Variants in CDH13 observed in about 807,000 individuals in gnomAD.
The protein encoded by CDH13 is cadherin-13.
A neutral mutation model predicts 63.8 loss-of-function variants in CDH13; 24 were observed. The ratio of observed to expected loss-of-function variants is 0.38; its 90% CI spans 0.27 to 0.53. CDH13 has a LOEUF of 0.53. Ranked by LOEUF, CDH13 falls within the 20% of genes least tolerant of loss-of-function variation. The probability of loss-of-function intolerance (pLI) is 0.85; values close to 1 mark genes in which losing one functional copy is unlikely to be tolerated. For missense variants in CDH13, 1,049 were observed against 903.1 expected (o/e 1.16, Z -2.07); for synonymous variants, 503 against 355.3 (o/e 1.42, Z -4.67).
At chr16:83,101,078 A>C (rs2034453510) in intron 3 of CDH13, among the ~76,000 whole-genome samples, 1 of 152,162 alleles carries the variant, frequency 6.6e-6, no homozygotes, top group Non-Finnish European at 1.5e-5. Context: ...ACTATATGCC[A>C]GACACTGGTC....
intron 4 of CDH13, among the ~76,000 whole-genome samples, chr16:83,133,081 C>T (rs117532900): frequency 6.6e-6 from 1 of 152,342 alleles, no homozygotes; most frequent in East Asian, 1.9e-4. Flanking sequence ...TACCCACTAA[C>T]CACATGTGGT....
At chr16:83,598,969 C>T (rs1318129308) in intron 7 of CDH13, among the ~76,000 whole-genome samples, 2 of 152,184 alleles carry the variant, frequency 1.3e-5, no homozygotes, top group Non-Finnish European at 2.9e-5. Context: ...GTTATGTCCT[C>T]ATCGCATGAT....
In CDH13 at chr16:83,159,669, T is replaced by A. The variant is rs2037362117; in HGVS notation, c.483+34168T>A. Among the ~76,000 whole-genome samples, 8 of 152,338 alleles carry A rather than the reference T, an allele frequency of 5.3e-5. No homozygotes were observed. In the South Asian group the frequency reaches 1.2e-3, roughly 24 times the overall value. ...AGTGGTCACTAAAGGGGATATAACT[T>A]TAATTTCTCATTTGAACGTACATGG... On this transcript the variant is annotated intron_variant, in intron 4 of 13. Coordinates refer to ENST00000567109, the MANE Select transcript of CDH13 (RefSeq NM_001257.5).
chr16:83,530,498 G>A (rs1309358164), intron 7 of CDH13, among the ~76,000 whole-genome samples: 1 of 152,180 alleles, frequency 6.6e-6, no homozygotes, highest in African/African-American at 2.4e-5. Context: ...CTGTCCTTGA[G>A]GACAGATTTG....
chr16:83,256,115 C>G (rs986619729), intron 5 of CDH13, among the ~76,000 whole-genome samples: 2 of 152,280 alleles, frequency 1.3e-5, no homozygotes, highest in South Asian at 2.1e-4. Flanking sequence ...CTCACTGCAG[C>G]CTTGACTTCC....
intron 6 of CDH13, among the ~76,000 whole-genome samples, chr16:83,451,482 G>C (rs1217574655): frequency 2.0e-5 from 3 of 152,082 alleles, no homozygotes; most frequent in African/African-American, 7.2e-5. Context: ...ATTTGGGTGG[G>C]GACACAGCCA....
chr16:83,646,698 A>C (rs917658949), intron 8 of CDH13, among the ~76,000 whole-genome samples: 14 of 54,694 alleles, frequency 2.6e-4, no homozygotes, highest in African/African-American at 1.0e-3. Flanking sequence ...GTCTCAAAAA[A>C]AAAAAAAAAA....
intron 7 of CDH13, among the ~76,000 whole-genome samples, chr16:83,552,830 C>T (rs1159384986): frequency 6.6e-6 from 1 of 152,162 alleles, no homozygotes; most frequent in Non-Finnish European, 1.5e-5. Flanking sequence ...ACCTGTAATC[C>T]AGCTCTTTGG....
At chr16:83,125,336 C>A (rs1479744438) in intron 3 of CDH13, 49 bp from the exon 4 acceptor site, 1 of 1,003,734 alleles carries the variant, frequency 1.0e-6, no homozygotes, top group African/African-American at 1.6e-5. Context: ...CAGACTGATA[C>A]ATCATTTCAA....
chr16:83,253,190 T>A (rs1447735373), intron 5 of CDH13, among the ~76,000 whole-genome samples: 2 of 152,168 alleles, frequency 1.3e-5, no homozygotes, highest in Non-Finnish European at 2.9e-5. Context: ...GGTATCAAAG[T>A]CCTCCAAGAT....
chr16:82,768,281 A>G (rs984318885), intron 1 of CDH13, among the ~76,000 whole-genome samples: 6 of 152,196 alleles, frequency 3.9e-5, no homozygotes, highest in African/African-American at 1.4e-4. Flanking sequence ...AGGTGCTGAT[A>G]GATACCTGCT....
At chr16:83,633,007 C>T (rs903536014) in intron 8 of CDH13, among the ~76,000 whole-genome samples, 2 of 152,044 alleles carry the variant, frequency 1.3e-5, no homozygotes, top group Non-Finnish European at 2.9e-5. Context: ...TGTCTTTTGA[C>T]ATGCTAATGT....
At chr16:83,433,767 A>C (rs1031698788) in intron 6 of CDH13, among the ~76,000 whole-genome samples, 4 of 152,218 alleles carry the variant, frequency 2.6e-5, no homozygotes, top group African/African-American at 9.6e-5. Flanking sequence ...GTCACATTAC[A>C]CTTGTTTATG....
At chr16:83,390,590 T>C (rs1252052127) in intron 6 of CDH13, among the ~76,000 whole-genome samples, 1 of 152,062 alleles carries the variant, frequency 6.6e-6, no homozygotes, top group Non-Finnish European at 1.5e-5. Context: ...GTTTCTATTA[T>C]CAACAAGAAT....
chr16:83,651,698 A>C (rs1598416256), intron 8 of CDH13, among the ~76,000 whole-genome samples: 1 of 149,478 alleles, frequency 6.7e-6, no homozygotes, highest in Middle Eastern at 3.6e-3. Context: ...CAGGTTCAAG[A>C]AATTCTCCTG....
chr16:83,588,319 A>G (rs1474390928), intron 7 of CDH13, among the ~76,000 whole-genome samples: 5 of 152,220 alleles, frequency 3.3e-5, no homozygotes, highest in Non-Finnish European at 7.3e-5. Flanking sequence ...ACATCTGCAG[A>G]CCATGAGAGC....
intron 1 of CDH13, among the ~76,000 whole-genome samples, chr16:82,687,033 T>A (rs181387522): frequency 1.1e-4 from 16 of 152,260 alleles, no homozygotes; most frequent in Admixed American, 5.9e-4. Flanking sequence ...CCTTCGTAGA[T>A]GTAGGAATCT....
intron 10 of CDH13, among the ~76,000 whole-genome samples, chr16:83,692,476 G>A (rs935892869): frequency 2.0e-5 from 3 of 152,170 alleles, no homozygotes; most frequent in Non-Finnish European, 2.9e-5. Flanking sequence ...TTGATGATGC[G>A]AAATGTTTTT....
chr16:82,911,714 C>A (rs897203991), intron 2 of CDH13, among the ~76,000 whole-genome samples: 1 of 152,162 alleles, frequency 6.6e-6, no homozygotes, highest in Admixed American at 6.5e-5. Flanking sequence ...GAAGTATGGT[C>A]CTTCCCTTAC....
Sources: allele counts gnomAD v4.1 joint callset (sites outside exome capture counted in the v4.1 genomes callset), GRCh38; gene constraint gnomAD v4.1.1; transcripts MANE v1.5; gene names NCBI Gene and HGNC (gene_info 2026-07-23, HGNC 2026-07-21).